CACNA1D: variants seen among roughly 807,000 people sequenced by gnomAD.
CACNA1D encodes calcium voltage-gated channel subunit alpha1 D, also known as voltage-dependent L-type calcium channel subunit alpha-1D.
Under a neutral mutation model 257.1 loss-of-function variants are expected in CACNA1D, and 55 were observed. The observed-to-expected ratio is 0.21, with a 90% CI of 0.17 to 0.27. The LOEUF is 0.27. Ranked by LOEUF, CACNA1D falls within the 10% of genes least tolerant of loss-of-function variation. The pLI is 1.00. For missense variants in CACNA1D, 1,876 were observed against 2,784.0 expected (o/e 0.67, Z 7.34); for synonymous variants, 980 against 1,014.9 (o/e 0.97, Z 0.65).
intron 15 of CACNA1D, among the ~76,000 whole-genome samples, chr3:53,729,129 G>C (rs1299985502): frequency 6.6e-6 from 1 of 152,168 alleles, no homozygotes; most frequent in Non-Finnish European, 1.5e-5. Context: ...CCTAGCAGAG[G>C]AATGCTCATG....
At chr3:53,508,285 T>C (rs1049634129) in intron 3 of CACNA1D, among the ~76,000 whole-genome samples, 1 of 152,214 alleles carries the variant, frequency 6.6e-6, no homozygotes, top group African/African-American at 2.4e-5. Context: ...GCATTAGCTA[T>C]TTATCCTGAT....
At chr3:53,712,089 G>A (rs927610099) in intron 9 of CACNA1D, among the ~76,000 whole-genome samples, 5 of 152,206 alleles carry the variant, frequency 3.3e-5, no homozygotes, top group Non-Finnish European at 7.3e-5. Context: ...GTTACCAAAA[G>A]GAGATAAATG....
At chr3:53,509,571 G>C (rs559345206) in intron 3 of CACNA1D, among the ~76,000 whole-genome samples, 1 of 152,104 alleles carries the variant, frequency 6.6e-6, no homozygotes, top group Admixed American at 6.5e-5. Flanking sequence ...ATGAGTGAAC[G>C]CGAGGTGAGG....
intron 11 of CACNA1D, 26 bp downstream of exon 11, chr3:53,719,807 G>A (rs555166022): frequency 1.0e-5 from 16 of 1,606,988 alleles, no homozygotes; most frequent in East Asian, 4.5e-5. Context: ...CTGTTTCTTC[G>A]TCAGCCTGTG....
At chr3:53,786,192 G>A (rs965321461) in intron 39 of CACNA1D, 2 of 153,986 alleles carry the variant, frequency 1.3e-5, no homozygotes, top group Admixed American at 6.4e-5. Context: ...CAACTATGAG[G>A]TTGGTTGGAG....
At chr3:53,522,190 G>A (rs763698066) in intron 3 of CACNA1D, among the ~76,000 whole-genome samples, 13 of 152,086 alleles carry the variant, frequency 8.5e-5, no homozygotes, top group Non-Finnish European at 1.9e-4. Context: ...CGTATTAGAC[G>A]ACATATGGGT....
chr3:53,767,427 A>G (rs1013187950), intron 30 of CACNA1D, among the ~76,000 whole-genome samples: 2 of 152,068 alleles, frequency 1.3e-5, no homozygotes, highest in African/African-American at 4.8e-5. Context: ...TTCGGCAGGC[A>G]TGGTGGCGGG....
intron 46 of CACNA1D, chr3:53,809,524 T>TA (rs2095585095): frequency 3.8e-6 from 1 of 264,514 alleles, no homozygotes; most frequent in African/African-American, 2.2e-5. Context: ...CCCAGTGCTT[T>TA]AGCACATGCC....
intron 3 of CACNA1D, among the ~76,000 whole-genome samples, chr3:53,554,515 C>T (rs915708294): frequency 6.6e-6 from 1 of 152,202 alleles, no homozygotes; most frequent in South Asian, 2.1e-4. Context: ...TTCGTGCCAC[C>T]ACCTTTGAGT....
chr3:53,788,819 T>C (rs576515375), intron 40 of CACNA1D, among the ~76,000 whole-genome samples: 1 of 152,266 alleles, frequency 6.6e-6, no homozygotes, highest in East Asian at 1.9e-4. Context: ...AGCCAGCAGG[T>C]TAGCTAGGTA....
intron 3 of CACNA1D, among the ~76,000 whole-genome samples, chr3:53,607,119 T>C (rs1333984362): frequency 6.6e-6 from 1 of 152,256 alleles, no homozygotes; most frequent in African/African-American, 2.4e-5. Context: ...ATAAAGTGGC[T>C]ATGAACATTT....
At chr3:53,698,208 A>G (rs992234532) in intron 8 of CACNA1D, among the ~76,000 whole-genome samples, 11 of 152,214 alleles carry the variant, frequency 7.2e-5, no homozygotes, top group Non-Finnish European at 1.6e-4. Flanking sequence ...CTTCAATTCC[A>G]GCCTGTCCCC....
chr3:53,619,016 A>G (rs77067139), intron 3 of CACNA1D, among the ~76,000 whole-genome samples: 4,011 of 152,256 alleles, frequency 0.026, 76 homozygotes, highest in East Asian at 0.075. Flanking sequence ...CCCACTGCCA[A>G]CGTCTCTGTT....
At chr3:53,742,912 G>C in intron 21 of CACNA1D, 99 bp from the exon 22 acceptor site, 1 of 809,684 alleles carries the variant, frequency 1.2e-6, no homozygotes, top group Non-Finnish European at 2.2e-6. Flanking sequence ...ATGCACACTT[G>C]TTAATGAAGT....
At chr3:53,749,797 A>T (rs1042409948) in intron 27 of CACNA1D, among the ~76,000 whole-genome samples, 1 of 152,232 alleles carries the variant, frequency 6.6e-6, no homozygotes, top group Admixed American at 6.5e-5. Flanking sequence ...ACTCACACAG[A>T]CATTCACAGT....
At chr3:53,521,245 G>A (rs1219462872) in intron 3 of CACNA1D, among the ~76,000 whole-genome samples, 1 of 152,072 alleles carries the variant, frequency 6.6e-6, no homozygotes, top group African/African-American at 2.4e-5. Context: ...GTCCTGCTAC[G>A]TTGCCCAAAC....
At chr3:53,730,098 A>C (rs1431875478) in intron 15 of CACNA1D, among the ~76,000 whole-genome samples, 1 of 152,184 alleles carries the variant, frequency 6.6e-6, no homozygotes, top group African/African-American at 2.4e-5. Context: ...TATGTTATAG[A>C]TTGTTTTATA....
At chr3:53,520,596 T>A (rs1012736219) in intron 3 of CACNA1D, among the ~76,000 whole-genome samples, 8 of 152,094 alleles carry the variant, frequency 5.3e-5, no homozygotes, top group African/African-American at 1.9e-4. Context: ...TGAAACCCTG[T>A]CTCTACTAAA....
Position 53,793,851 on chromosome 3 carries a change from A to G in CACNA1D, c.4924-6398A>G, listed in dbSNP as rs2095495720. On this transcript the variant is annotated intron_variant, in intron 40 of 47. Transcript: ENST00000350061. The surrounding 1 kb of genome is among the most constrained non-coding windows in gnomAD (Gnocchi z 4.1). ...GCCTTGGCAGAGAAGTGTAGCTTCT[A>G]GTGTAGTCAAAGTTGTGAGAGACGA... Among the ~76,000 whole-genome samples the G allele has an allele frequency of 6.6e-6, 1 of 152,240 alleles. No homozygotes were observed. The highest frequency in any genetic ancestry group is 1.5e-5 in the Non-Finnish European group (1 of 68,044).
Sources: gnomAD v4.1 joint callset for allele counts (sites outside exome capture counted in the v4.1 genomes callset) on GRCh38, gnomAD v4.1.1 for gene constraint, Gnocchi (gnomAD v3.1) non-coding constraint, MANE v1.5 for transcripts, NCBI Gene and HGNC (gene_info 2026-07-23, HGNC 2026-07-21) for gene names.